RGSL1: variants seen among roughly 807,000 people sequenced by gnomAD.
RGSL1 encodes regulator of G protein signaling like 1, also known as regulator of G protein signaling protein-like.
In RGSL1, 97 loss-of-function variants were observed where a neutral mutation model predicts 124.7. That is an observed-to-expected ratio of 0.78 (90% CI 0.66 to 0.92). The LOEUF is 0.92. Ranked by LOEUF, RGSL1 falls within the 40% of genes least tolerant of loss-of-function variation. The pLI, the probability that RGSL1 is intolerant of heterozygous loss-of-function variation, is 0.00. For missense variants in RGSL1, 1,233 were observed against 1,288.4 expected, an observed-to-expected ratio of 0.96 and a Z score of 0.66; for synonymous variants, 424 against 438.1, an observed-to-expected ratio of 0.97 and a Z score of 0.40.
intron 15 of RGSL1, among the ~76,000 whole-genome samples, chr1:182,543,658 C>T (rs1223052827): frequency 1.3e-5 from 2 of 151,842 alleles, no homozygotes; most frequent in African/African-American, 4.8e-5. Flanking sequence ...GAATTAATGC[C>T]ATCAGGTCCT....
rs1293242157 is a variant in RGSL1, at chr1:182,540,410, T to C, written c.2658T>C (p.Ser886=). ...CGATCAATGATCTATATTTCTTTTC[T>C]GAAATGGAGAAGTAAGTTTTCCACT... ...NFAINDLYFF[S]EMEKFNDLVS... is the part of the protein sequence containing the mutation. The change falls in exon 15 of 22, where the codon TCT becomes TCC. Residue 886 remains serine (S), a synonymous_variant. Coordinates refer to ENST00000294854, the MANE Select transcript of RGSL1 (RefSeq NM_001137669.2). 1 of 1,550,244 alleles carries C rather than the reference T, an allele frequency of 6.5e-7. No homozygotes were observed. Among genetic ancestry groups the C allele is most frequent in the Non-Finnish European group, 8.7e-7 (1 of 1,146,256 alleles).
intron 18 of RGSL1, among the ~76,000 whole-genome samples, chr1:182,552,770 T>C (rs535269229): frequency 2.6e-5 from 4 of 152,258 alleles, no homozygotes; most frequent in Admixed American, 6.5e-5. Context: ...CATCACCCCA[T>C]GGTGGAAGGC....
intron 15 of RGSL1, among the ~76,000 whole-genome samples, chr1:182,547,486 C>G (rs955916104): frequency 6.6e-6 from 1 of 152,154 alleles, no homozygotes; most frequent in African/African-American, 2.4e-5. Context: ...CCTTGCTTGA[C>G]CTCTACAAAC....
chr1:182,449,858 C>T (rs1194528016), upstream of RGSL1, among the ~76,000 whole-genome samples: 2 of 152,226 alleles, frequency 1.3e-5, no homozygotes, highest in Admixed American at 6.5e-5. Context: ...GTCACCCTAG[C>T]ATGGGAGAGG....
At chr1:182,473,354 T>G (rs1654003763) in intron 5 of RGSL1, among the ~76,000 whole-genome samples, 1 of 152,206 alleles carries the variant, frequency 6.6e-6, no homozygotes, top group Non-Finnish European at 1.5e-5. Context: ...ATAGCATGGC[T>G]TATTTCTATG....
At chr1:182,503,840 T>A (rs552570497) in intron 9 of RGSL1, among the ~76,000 whole-genome samples, 1 of 152,280 alleles carries the variant, frequency 6.6e-6, no homozygotes, top group African/African-American at 2.4e-5. Flanking sequence ...ATGTATTGCA[T>A]GCCTGTATCA....
chr1:182,483,897 C>T (rs1174518602), intron 6 of RGSL1, among the ~76,000 whole-genome samples: 1 of 152,014 alleles, frequency 6.6e-6, no homozygotes, highest in Non-Finnish European at 1.5e-5. Flanking sequence ...CAGCTCTGGT[C>T]CAGCTTTGGG....
chr1:182,550,239 G>C (rs937538820), intron 17 of RGSL1: 1 of 152,180 alleles, frequency 6.6e-6, no homozygotes, highest in African/African-American at 2.4e-5. Flanking sequence ...TTGGTAAGTG[G>C]TAAAACCAGC....
intron 2 of RGSL1, among the ~76,000 whole-genome samples, chr1:182,454,720 T>C (rs547413253): frequency 5.3e-5 from 8 of 152,250 alleles, no homozygotes; most frequent in Non-Finnish European, 1.0e-4. Context: ...GTTTAGTGCA[T>C]AGAAATTGTT....
chr1:182,530,215 C>T (rs1249258263), intron 11 of RGSL1, 29 bp from the exon 12 acceptor site: 6 of 1,488,918 alleles, frequency 4.0e-6, no homozygotes, highest in Non-Finnish European at 5.5e-6. Flanking sequence ...ATGAGGATTA[C>T]AGCTTCTTTT....
chr1:182,481,720 T>C (rs1419350041), intron 6 of RGSL1, among the ~76,000 whole-genome samples: 1 of 149,940 alleles, frequency 6.7e-6, no homozygotes, highest in Non-Finnish European at 1.5e-5. Context: ...CAGTGGTTCA[T>C]GCCTGTAACC....
intron 20 of RGSL1, chr1:182,555,484 A>T (rs1467657756): frequency 6.4e-6 from 1 of 155,924 alleles, no homozygotes; most frequent in Admixed American, 6.2e-5. Flanking sequence ...GGATATTGGC[A>T]ATAAGAACAG....
intron 7 of RGSL1, chr1:182,488,725 CAAAAAA>C (rs561296385): frequency 9.4e-4 from 99 of 104,796 alleles, no homozygotes; most frequent in African/African-American, 1.6e-3. Flanking sequence ...GACTCCGTCT[CAAAAAA>C]AAAAAAAAAA....
At chr1:182,481,173 A>G (rs1432092194) in intron 6 of RGSL1, among the ~76,000 whole-genome samples, 3 of 152,008 alleles carry the variant, frequency 2.0e-5, no homozygotes, top group Non-Finnish European at 4.4e-5. Context: ...TTGTTTTCTT[A>G]AGCAATAAAT....
chr1:182,557,923 C>T (rs763351743), intron 21 of RGSL1, among the ~76,000 whole-genome samples: 3 of 152,164 alleles, frequency 2.0e-5, no homozygotes, highest in Non-Finnish European at 4.4e-5. Context: ...AAATGAGTAA[C>T]GCAGTCCATG....
At chr1:182,460,671 G>C (rs770068835) in intron 4 of RGSL1, 1 of 456,016 alleles carries the variant, frequency 2.2e-6, no homozygotes, top group South Asian at 1.5e-5. Context: ...GTGCTGGAGG[G>C]ACTCCCAGGA....
chr1:182,454,386 A>G (rs2101979781), intron 2 of RGSL1, among the ~76,000 whole-genome samples: 1 of 152,262 alleles, frequency 6.6e-6, no homozygotes, highest in South Asian at 2.1e-4. Flanking sequence ...CCCACCTCTG[A>G]ACCTCTCCTT....
intron 1 of RGSL1, among the ~76,000 whole-genome samples, chr1:182,450,974 C>T (rs529274116): frequency 6.6e-6 from 1 of 151,922 alleles, no homozygotes; most frequent in Non-Finnish European, 1.5e-5. Context: ...TGGTAAAACC[C>T]CATCTCTACT....
chr1:182,559,524 C>A (rs1238493327), intron 21 of RGSL1, among the ~76,000 whole-genome samples: 2 of 152,118 alleles, frequency 1.3e-5, no homozygotes, highest in Non-Finnish European at 2.9e-5. Flanking sequence ...CACCACATTC[C>A]CCTCTCCACA....
Sources: allele counts gnomAD v4.1 joint callset (sites outside exome capture counted in the v4.1 genomes callset), GRCh38; gene constraint gnomAD v4.1.1; transcripts MANE v1.5; gene names NCBI Gene and HGNC (gene_info 2026-07-23, HGNC 2026-07-21).